SSH2: variants seen among roughly 807,000 people sequenced by gnomAD.
SSH2 encodes the protein protein phosphatase Slingshot homolog 2.
SSH2 carries 37 observed loss-of-function variants against 135.2 expected under a neutral mutation model. The observed-to-expected ratio is 0.27, with a 90% CI of 0.21 to 0.36. The LOEUF is 0.36. Among genes scored for constraint, SSH2 ranks in the 10% least tolerant of loss-of-function variants. The pLI, the probability that SSH2 is intolerant of heterozygous loss-of-function variation, is 1.00. For missense variants in SSH2, 1,408 were observed against 1,765.3 expected, an observed-to-expected ratio of 0.80 and a Z score of 3.63; for synonymous variants, 628 against 646.2, an observed-to-expected ratio of 0.97 and a Z score of 0.43.
intron 1 of SSH2, among the ~76,000 whole-genome samples, chr17:29,913,347 A>AAAAATTATATATATATATATAT: frequency 3.5e-5 from 1 of 28,778 alleles, no homozygotes; most frequent in Non-Finnish European, 5.9e-5. Context: ...AAAAAAAAAA[A>AAAAATTATATATATATATATAT]ATATATATAT....
intron 3 of SSH2, among the ~76,000 whole-genome samples, chr17:29,792,793 C>T (rs530446823): frequency 3.9e-5 from 6 of 152,332 alleles, no homozygotes; most frequent in Middle Eastern, 3.4e-3. Context: ...TCTCCTGCCT[C>T]AGCCTCCTGA....
At chr17:29,788,654 C>T (rs1209046108) in intron 3 of SSH2, among the ~76,000 whole-genome samples, 3 of 151,838 alleles carry the variant, frequency 2.0e-5, no homozygotes, top group African/African-American at 7.3e-5. Context: ...CTCCCTCTCT[C>T]CCTCTCTCTA....
At chr17:29,672,586 A>T (rs1342879776) in intron 8 of SSH2, among the ~76,000 whole-genome samples, 1 of 152,236 alleles carries the variant, frequency 6.6e-6, no homozygotes, top group Non-Finnish European at 1.5e-5. Context: ...GATGTCCCTA[A>T]GCCTTGAGGA....
chr17:29,871,132 T>C (rs1350236090), intron 1 of SSH2, among the ~76,000 whole-genome samples: 1 of 152,124 alleles, frequency 6.6e-6, no homozygotes, highest in Non-Finnish European at 1.5e-5. Context: ...TTATGGGGCA[T>C]CTGAGAAGTC....
chr17:29,681,398 A>C (rs1243676767), intron 6 of SSH2, among the ~76,000 whole-genome samples: 1 of 151,150 alleles, frequency 6.6e-6, no homozygotes, highest in Non-Finnish European at 1.5e-5. Flanking sequence ...AAAGGACTGA[A>C]TAAGGCACGC....
At chr17:29,733,616 T>C (rs750283241) in intron 3 of SSH2, among the ~76,000 whole-genome samples, 10 of 152,234 alleles carry the variant, frequency 6.6e-5, no homozygotes, top group African/African-American at 1.2e-4. Context: ...TTCTTCTTCA[T>C]ATTTAAACAA....
chr17:29,642,941 A>G (rs1286567891), intron 14 of SSH2, among the ~76,000 whole-genome samples: 2 of 152,212 alleles, frequency 1.3e-5, no homozygotes, highest in African/African-American at 4.8e-5. Context: ...ATAACCATGG[A>G]GCTACCGAAT....
intron 5 of SSH2, among the ~76,000 whole-genome samples, chr17:29,686,411 G>T (rs2038223023): frequency 6.6e-6 from 1 of 151,788 alleles, no homozygotes; most frequent in African/African-American, 2.4e-5. Flanking sequence ...TCTCAGGCTG[G>T]AGTGCAGTGG....
chr17:29,667,394 A>G (rs867034293), intron 9 of SSH2, among the ~76,000 whole-genome samples, 171 bp from the exon 10 acceptor site: 3 of 152,200 alleles, frequency 2.0e-5, no homozygotes, highest in Non-Finnish European at 2.9e-5. Flanking sequence ...AGTACCGGTC[A>G]GTGGCCTGTT....
In SSH2 at chr17:29,650,658, C is replaced by T; in HGVS notation, c.1222G>A (p.Ala408Thr). 1.2e-6 allele frequency: 2 copies of T among 1,612,822 alleles called. No homozygotes were observed. Among genetic ancestry groups the T allele is most frequent in the Non-Finnish European group, 1.7e-6 (2 of 1,179,278 alleles). Residue 408 changes from alanine (A) to threonine (T), a missense_variant, in exon 13 of 16, where the codon GCA (alanine) becomes ACA (threonine). By Grantham distance (58) the Ala-to-Thr change is moderately conservative. Coordinates refer to ENST00000540801, the MANE Select transcript of SSH2 (RefSeq NM_001282129.2). ...TTGTGCAGGACTATTACTCACTTTG[C>T]TTTAGAGATGAATTTGTAAGTGTCA... ...WNDTYKFISK[A>T]KKHGSKCLVH...
chr17:29,766,372 C>T (rs748615785), intron 3 of SSH2, among the ~76,000 whole-genome samples: 3 of 151,476 alleles, frequency 2.0e-5, no homozygotes, highest in East Asian at 1.9e-4. Context: ...GCAGGAGAAT[C>T]GCTTGAACCC....
chr17:29,719,202 T>C (rs1452510377), intron 3 of SSH2, among the ~76,000 whole-genome samples: 1 of 152,222 alleles, frequency 6.6e-6, no homozygotes, highest in Non-Finnish European at 1.5e-5. Flanking sequence ...TTGTTTATAA[T>C]GGCAAGAACT....
At position 29,850,980 on chromosome 17, in the gene SSH2, A is replaced by G. The variant is rs9914885; in HGVS notation, c.64-2051T>C. Reference sequence around the variant, plus strand: ...AGCCTGGGCTACAGAGCGAGACTCCATCTCAAAAAAGAAACAAACAAACAA... The same window carrying G: ...AGCCTGGGCTACAGAGCGAGACTCCGTCTCAAAAAAGAAACAAACAAACAA... On this transcript the variant is annotated intron_variant, in intron 1 of 15. Coordinates refer to ENST00000540801, the MANE Select transcript of SSH2 (RefSeq NM_001282129.2). Among the ~76,000 whole-genome samples, 994 of 152,194 alleles carry G rather than the reference A, an allele frequency of 6.5e-3. 6 individuals carry two copies. Among genetic ancestry groups the G allele is most frequent in the African/African-American group, 0.023 (953 of 41,524 alleles).
At chr17:29,738,628 A>C (rs1439383335) in intron 3 of SSH2, among the ~76,000 whole-genome samples, 1 of 147,464 alleles carries the variant, frequency 6.8e-6, no homozygotes. Context: ...ATCTTGGCTC[A>C]CTGCAAGCTG....
intron 1 of SSH2, among the ~76,000 whole-genome samples, chr17:29,898,345 G>GT (rs1372684025): frequency 9.2e-5 from 14 of 152,008 alleles, no homozygotes; most frequent in Non-Finnish European, 1.9e-4. Flanking sequence ...CCAGGAGCTG[G>GT]TTTTTTGAAA....
chr17:29,857,651 T>C (rs1314424234), intron 1 of SSH2, among the ~76,000 whole-genome samples: 1 of 152,020 alleles, frequency 6.6e-6, no homozygotes, highest in Non-Finnish European at 1.5e-5. Flanking sequence ...ACCCAGGTAA[T>C]TTTTAAAATT....
At chr17:29,895,664 GAAATATATA>G (rs2066435855) in intron 1 of SSH2, among the ~76,000 whole-genome samples, 2 of 108,148 alleles carry the variant, frequency 1.8e-5, no homozygotes, top group African/African-American at 9.0e-5. Context: ...TTTTATATAT[GAAATATATA>G]AAATATATTT....
chr17:29,912,494 A>T (rs2066783256), intron 1 of SSH2, among the ~76,000 whole-genome samples: 1 of 152,196 alleles, frequency 6.6e-6, no homozygotes, highest in African/African-American at 2.4e-5. Context: ...CGAGAGCCTG[A>T]GGTGGGAGAA....
chr17:29,735,057 T>C (rs1376671319), intron 3 of SSH2, among the ~76,000 whole-genome samples: 1 of 152,198 alleles, frequency 6.6e-6, no homozygotes, highest in Non-Finnish European at 1.5e-5. Flanking sequence ...GGTCGTTAGA[T>C]TCCTTTGAGA....
Sources: gnomAD v4.1 joint callset for allele counts (sites outside exome capture counted in the v4.1 genomes callset) on GRCh38, gnomAD v4.1.1 for gene constraint, MANE v1.5 for transcripts, NCBI Gene and HGNC (gene_info 2026-07-23, HGNC 2026-07-21) for gene names.